Variants in NAALADL2 observed in about 807,000 individuals in gnomAD.
The protein encoded by NAALADL2 is inactive N-acetylated-alpha-linked acidic dipeptidase-like protein 2.
Under a neutral mutation model 87.2 loss-of-function variants are expected in NAALADL2, and 76 were observed. That is an observed-to-expected ratio of 0.87 (90% CI 0.72 to 1.05). The LOEUF (loss-of-function observed/expected upper bound fraction) is 1.05, where lower values mean the gene tolerates loss of function less well. Ranked by LOEUF, NAALADL2 falls within the 50% of genes least tolerant of loss-of-function variation. The probability of loss-of-function intolerance (pLI) is 0.00; values close to 1 mark genes in which losing one functional copy is unlikely to be tolerated. For missense variants in NAALADL2, 1,089 were observed against 945.8 expected (o/e 1.15, Z -1.99); for synonymous variants, 354 against 331.0 (o/e 1.07, Z -0.75).
chr3:175,342,464 T>G (rs898028846), intron 5 of NAALADL2, among the ~76,000 whole-genome samples: 14 of 152,036 alleles, frequency 9.2e-5, no homozygotes, highest in Admixed American at 2.6e-4. Context: ...GTTGTTTCAG[T>G]GTTAAGCTGA....
chr3:175,612,175 A>G (rs1426503275), intron 10 of NAALADL2, among the ~76,000 whole-genome samples: 2 of 152,192 alleles, frequency 1.3e-5, no homozygotes, highest in African/African-American at 4.8e-5. Context: ...ATTAATATGA[A>G]GTCATTCATA....
At chr3:175,580,088 G>A (rs1719536917) in intron 10 of NAALADL2, among the ~76,000 whole-genome samples, 1 of 152,078 alleles carries the variant, frequency 6.6e-6, no homozygotes, top group South Asian at 2.1e-4. Context: ...AGGAGTCATG[G>A]CATAATTGTT....
chr3:175,206,556 GGGGAAGAGT>G (rs2109218397), intron 2 of NAALADL2, among the ~76,000 whole-genome samples: 1 of 149,310 alleles, frequency 6.7e-6, no homozygotes, highest in East Asian at 2.0e-4. Flanking sequence ...GGGACTTGGT[GGGGAAGAGT>G]GGGAGGGGGG....
intron 2 of NAALADL2, among the ~76,000 whole-genome samples, chr3:174,558,310 A>G (rs1418084135): frequency 6.6e-6 from 1 of 152,098 alleles, no homozygotes; most frequent in Non-Finnish European, 1.5e-5. Flanking sequence ...GTGACCAGGG[A>G]CTAGTTTTGT....
chr3:175,012,906 A>G (rs903390902), intron 1 of NAALADL2, among the ~76,000 whole-genome samples: 1 of 149,900 alleles, frequency 6.7e-6, no homozygotes, highest in Non-Finnish European at 1.5e-5. Flanking sequence ...CCACTTTGTA[A>G]ATGTAGAAAC....
chr3:174,623,403 G>GTT (rs1721237227), intron 2 of NAALADL2, among the ~76,000 whole-genome samples: 1 of 152,090 alleles, frequency 6.6e-6, no homozygotes. Flanking sequence ...GTTTGTGTGT[G>GTT]TAGGTTAGGA....
At chr3:175,300,525 T>C (rs1242889703) in intron 4 of NAALADL2, among the ~76,000 whole-genome samples, 9 of 152,088 alleles carry the variant, frequency 5.9e-5, no homozygotes, top group Non-Finnish European at 1.3e-4. Context: ...GGAGGGTGTA[T>C]GTGTCGAGGA....
At chr3:174,612,955 T>C (rs1302034587) in intron 2 of NAALADL2, among the ~76,000 whole-genome samples, 1 of 152,176 alleles carries the variant, frequency 6.6e-6, no homozygotes, top group Non-Finnish European at 1.5e-5. Context: ...TTCCATACAG[T>C]TGAAAGGACA....
intron 6 of NAALADL2, among the ~76,000 whole-genome samples, chr3:175,448,144 CA>C (rs1327755033): frequency 6.6e-6 from 1 of 152,040 alleles, no homozygotes; most frequent in Non-Finnish European, 1.5e-5. Flanking sequence ...GAAATATGTA[CA>C]AAAAAATCTG....
chr3:175,130,113 G>T (rs1727585979), intron 2 of NAALADL2, among the ~76,000 whole-genome samples: 1 of 152,066 alleles, frequency 6.6e-6, no homozygotes, highest in African/African-American at 2.4e-5. Flanking sequence ...CTTTTTTGGA[G>T]AAATGTCTAT....
intron 2 of NAALADL2, among the ~76,000 whole-genome samples, chr3:174,671,245 G>A (rs1039390279): frequency 3.3e-5 from 5 of 152,050 alleles, no homozygotes; most frequent in African/African-American, 1.2e-4. Context: ...TTAATGAAGG[G>A]AATTTCCACA....
At chr3:175,727,748 G>T (rs1262127326) in intron 11 of NAALADL2, among the ~76,000 whole-genome samples, 3 of 152,052 alleles carry the variant, frequency 2.0e-5, no homozygotes, top group Non-Finnish European at 4.4e-5. Context: ...CCAACTATTG[G>T]CCTTCACAAA....
At chr3:174,914,401 T>C (rs1384513087) in intron 1 of NAALADL2, among the ~76,000 whole-genome samples, 2 of 152,106 alleles carry the variant, frequency 1.3e-5, no homozygotes, top group Non-Finnish European at 2.9e-5. Context: ...TCACATTAGA[T>C]AATGAATATT....
chr3:174,508,958 G>A (rs2108385374), intron 1 of NAALADL2, among the ~76,000 whole-genome samples: 1 of 152,208 alleles, frequency 6.6e-6, no homozygotes, highest in Admixed American at 6.5e-5. Context: ...TTTCTATGTA[G>A]ACTTTGTATC....
At chr3:174,471,476 G>T (rs1345537041) in intron 1 of NAALADL2, among the ~76,000 whole-genome samples, 1 of 151,994 alleles carries the variant, frequency 6.6e-6, no homozygotes, top group African/African-American at 2.4e-5. Flanking sequence ...TAGAGTCTTG[G>T]GCAACTGTTT....
chr3:174,952,920 G>T (rs563472659), intron 1 of NAALADL2, among the ~76,000 whole-genome samples: 1 of 152,142 alleles, frequency 6.6e-6, no homozygotes, highest in African/African-American at 2.4e-5. Context: ...TCTCAGTAGT[G>T]TCCCAGTGAG....
In NAALADL2 at chr3:175,294,119, A is replaced by G. The variant is rs138577958; in HGVS notation, c.940-30056A>G. 6.4e-4 allele frequency among the ~76,000 whole-genome samples: 97 copies of G among 152,320 alleles called. No individual in the cohort carries two copies. In the East Asian group the frequency reaches 0.018, roughly 28 times the overall value. On this transcript the variant is annotated intron_variant, in intron 4 of 13. Transcript: ENST00000454872. ...ATTCTAACCAGGGAATTTGACGAGGATTCTGCAGAAGTTCTCTGAAAGCCT... is the reference window on the plus strand; with the variant it reads ...ATTCTAACCAGGGAATTTGACGAGGGTTCTGCAGAAGTTCTCTGAAAGCCT...
At chr3:175,636,461 G>C (rs1560891935) in intron 11 of NAALADL2, among the ~76,000 whole-genome samples, 1 of 152,102 alleles carries the variant, frequency 6.6e-6, no homozygotes, top group East Asian at 1.9e-4. Flanking sequence ...AATTTTGGGA[G>C]GCCGAGCAGG....
chr3:175,540,289 C>T (rs1712077714), intron 9 of NAALADL2, among the ~76,000 whole-genome samples: 2 of 152,052 alleles, frequency 1.3e-5, no homozygotes, highest in African/African-American at 4.8e-5. Context: ...TGAGGTGATC[C>T]TTACGGATAT....
Sources: allele counts gnomAD v4.1 joint callset (sites outside exome capture counted in the v4.1 genomes callset), GRCh38; gene constraint gnomAD v4.1.1; transcripts MANE v1.5; gene names NCBI Gene and HGNC (gene_info 2026-07-23, HGNC 2026-07-21).